PTGES3: variants seen among roughly 807,000 people sequenced by gnomAD.
PTGES3 encodes prostaglandin E synthase 3.
Under a neutral mutation model 29.9 loss-of-function variants are expected in PTGES3, and 5 were observed. That is an observed-to-expected ratio of 0.17 (90% CI 0.09 to 0.35). The LOEUF (loss-of-function observed/expected upper bound fraction) is 0.35, where lower values mean the gene tolerates loss of function less well. Ranked by LOEUF, PTGES3 falls within the 10% of genes least tolerant of loss-of-function variation. The pLI, the probability that PTGES3 is intolerant of heterozygous loss-of-function variation, is 1.00. For missense variants in PTGES3, 128 were observed against 190.0 expected, an observed-to-expected ratio of 0.67 and a Z score of 1.92; for synonymous variants, 49 against 57.8, an observed-to-expected ratio of 0.85 and a Z score of 0.69.
chr12:56,685,470 C>G (rs1275902897), intron 1 of PTGES3, among the ~76,000 whole-genome samples: 1 of 148,844 alleles, frequency 6.7e-6, no homozygotes, highest in East Asian at 2.0e-4. Context: ...GCGCAATCGC[C>G]GCTCACTGCA....
Position 56,688,011 on chromosome 12 carries a change from CA to C in PTGES3, c.-13del. On this transcript the variant is annotated 5_prime_UTR_variant, in exon 1 of 8. Transcript: ENST00000262033. The stretch of plus-strand genomic sequence containing the variant: ...TGTCGCACTCACATTGTGAACGGGG[CA>C]GGGGGACGGGCGAACTGGTGGGCGG... 1 of 1,550,086 alleles carries C rather than the reference CA, an allele frequency of 6.5e-7. No individual in the cohort carries two copies. Among genetic ancestry groups the C allele is most frequent in the Non-Finnish European group, 8.7e-7 (1 of 1,147,356 alleles).
At chr12:56,680,516 G>C (rs1459718670) in intron 1 of PTGES3, among the ~76,000 whole-genome samples, 1 of 152,012 alleles carries the variant, frequency 6.6e-6, no homozygotes, top group African/African-American at 2.4e-5. Context: ...CTCCCAAGTA[G>C]CTGGGGTTAC....
intron 1 of PTGES3, among the ~76,000 whole-genome samples, chr12:56,683,473 C>CAAAAGAAAAAAAAAA (rs1952656855): frequency 3.4e-5 from 1 of 29,750 alleles, no homozygotes; most frequent in Non-Finnish European, 6.3e-5. Flanking sequence ...AACTCTGTCT[C>CAAAAGAAAAAAAAAA]AAAAAAAAAA....
At chr12:56,679,235 CCT>C (rs895713276) in intron 1 of PTGES3, among the ~76,000 whole-genome samples, 1 of 151,996 alleles carries the variant, frequency 6.6e-6, no homozygotes, top group Non-Finnish European at 1.5e-5. Flanking sequence ...ATGGCAAAAC[CCT>C]GTCTCTACTG....
intron 2 of PTGES3, 47 bp from the exon 3 acceptor site, chr12:56,672,856 A>C: frequency 1.3e-6 from 2 of 1,551,712 alleles, no homozygotes; most frequent in Non-Finnish European, 1.7e-6. Context: ...AAAGAGACAA[A>C]GATTAATAAT....
At chr12:56,685,394 CTTTTCTTTT>C (rs1485357782) in intron 1 of PTGES3, among the ~76,000 whole-genome samples, 189 of 96,904 alleles carry the variant, frequency 2.0e-3, no homozygotes, top group African/African-American at 6.7e-3. Context: ...AGCATTTTTT[CTTTTCTTTT>C]TTTTTTTTTT....
rs1952764063 is a variant in PTGES3, at chr12:56,685,157, G to A, written c.2+2841C>T. 4.6e-5 allele frequency among the ~76,000 whole-genome samples: 7 copies of A among 152,170 alleles called. No individual in the cohort carries two copies. In the South Asian group the frequency reaches 1.5e-3, roughly 32 times the overall value. ...CAACAAAATAAACCCTTATCAGCCA[G>A]ATTCTTAAGACTGGATGACGACCCA... On this transcript the variant is annotated intron_variant, in intron 1 of 7. Transcript: ENST00000262033.
At position 56,664,513 on chromosome 12, in the gene PTGES3, A is replaced by G. The variant is rs531616103; in HGVS notation, c.464-15T>C. Reference sequence around the variant, plus strand: ...ATCTGGCATTTCTGAAAGAATTTTTAAAAATATTAGTATATAGTACAAGTG... The same window carrying G: ...ATCTGGCATTTCTGAAAGAATTTTTGAAAATATTAGTATATAGTACAAGTG... On this transcript the variant is annotated splice_polypyrimidine_tract_variant and intron_variant, in intron 7 of 7. Transcript: ENST00000262033. The G allele has an allele frequency of 1.3e-6, 2 of 1,588,302 alleles. No individual in the cohort carries two copies. Among genetic ancestry groups the G allele is most frequent in the South Asian group, 2.3e-5 (2 of 87,890 alleles).
intron 5 of PTGES3, among the ~76,000 whole-genome samples, chr12:56,667,655 T>G (rs1031986434): frequency 3.3e-5 from 5 of 151,516 alleles, no homozygotes; most frequent in African/African-American, 1.2e-4. Context: ...AAATAGAGAG[T>G]AGAATGGTAG....
At chr12:56,664,916 T>C (rs1236886862) in intron 6 of PTGES3, 116 bp from the exon 7 acceptor site, 2 of 1,465,098 alleles carry the variant, frequency 1.4e-6, no homozygotes, top group Admixed American at 5.4e-5. Context: ...AGGTAGGTAG[T>C]CATATCAAGC....
intron 4 of PTGES3, 189 bp from the exon 5 acceptor site, chr12:56,670,553 G>A: frequency 1.8e-6 from 1 of 553,712 alleles, no homozygotes; most frequent in South Asian, 2.1e-5. Context: ...CTCCGTTTCT[G>A]ACCAAGGGTC....
chr12:56,679,140 G>A (rs1221290417), intron 1 of PTGES3, among the ~76,000 whole-genome samples: 1 of 152,102 alleles, frequency 6.6e-6, no homozygotes, highest in East Asian at 1.9e-4. Flanking sequence ...GACCAGGAGT[G>A]ATGGCTCACA....
chr12:56,679,410 A>G (rs1448605899), intron 1 of PTGES3, among the ~76,000 whole-genome samples: 1 of 129,196 alleles, frequency 7.7e-6, no homozygotes, highest in Non-Finnish European at 1.6e-5. Flanking sequence ...CTCTGCCTCA[A>G]AAAAAAAAAA....
rs2137563227 is a variant in PTGES3 at position 56,663,445 on chromosome 12, A to T, written c.*1034T>A. ...GTGCATCTACAATATGCTATTACAG[A>T]TCCACTTTTAAAAGGTTTCCTGTGA... On this transcript the variant is annotated 3_prime_UTR_variant, in exon 8 of 8. Coordinates refer to ENST00000262033, the MANE Select transcript of PTGES3 (RefSeq NM_006601.7). 6.6e-6 allele frequency: 1 copy of T among 152,360 alleles called. No homozygotes were observed. Among genetic ancestry groups the T allele is most frequent in the East Asian group, 1.9e-4 (1 of 5,188 alleles). 9.4% of individuals were successfully genotyped at this position (152,360 alleles called of 1,614,324 possible).
In PTGES3 at chr12:56,666,186, A is replaced by C. The variant is rs1565858538; in HGVS notation, c.438+18T>G. The C allele has an allele frequency of 3.1e-6, 5 of 1,600,916 alleles. No homozygotes were observed. In the South Asian group the frequency reaches 5.7e-5, roughly 18 times the overall value. On this transcript the variant is annotated intron_variant, in intron 6 of 7. Coordinates refer to ENST00000262033, the MANE Select transcript of PTGES3 (RefSeq NM_006601.7). ...TAATAGTATGAAAGTAAACAGAAAAAAGAATTTTTAGACTTACATCATCTG... is the reference window on the plus strand; with the variant it reads ...TAATAGTATGAAAGTAAACAGAAAACAGAATTTTTAGACTTACATCATCTG...
At chr12:56,681,537 C>CAA (rs34581651) in intron 1 of PTGES3, among the ~76,000 whole-genome samples, 1,768 of 25,526 alleles carry the variant, frequency 0.069, 367 homozygotes, top group African/African-American at 0.21. Flanking sequence ...GACTCCATCT[C>CAA]AAAAAAAAAA....
In PTGES3 at chr12:56,685,399, C is replaced by CTT. The variant is rs143526249; in HGVS notation, c.2+2597_2+2598dup. On this transcript the variant is annotated intron_variant, in intron 1 of 7. Coordinates refer to ENST00000262033, the MANE Select transcript of PTGES3 (RefSeq NM_006601.7). ...TTTTGAAGGTAGCATTTTTTCTTTTCTTTTTTTTTTTTTTTTTTTTTAAGA... is the reference window on the plus strand; with the variant it reads ...TTTTGAAGGTAGCATTTTTTCTTTTCTTTTTTTTTTTTTTTTTTTTTTTAAGA... Among the ~76,000 whole-genome samples the CTT allele has an allele frequency of 4.3e-3, 558 of 131,138 alleles. 7 individuals are homozygous for CTT. The highest frequency in any genetic ancestry group is 0.036 in the South Asian group (153 of 4,224). 86.0% of individuals were successfully genotyped at this position (131,138 alleles called of 152,430 possible).
intron 4 of PTGES3, 64 bp downstream of exon 4, chr12:56,671,685 A>C: frequency 9.5e-7 from 1 of 1,055,934 alleles, no homozygotes; most frequent in South Asian, 1.7e-5. Context: ...ACATCAAATA[A>C]GTACATCTTT....
intron 6 of PTGES3, chr12:56,665,681 G>A: frequency 1.0e-6 from 1 of 965,342 alleles, no homozygotes; most frequent in Non-Finnish European, 1.2e-6. Context: ...TCGCTCTGCT[G>A]CCCACACTGG....
Sources: gnomAD v4.1 joint callset for allele counts (sites outside exome capture counted in the v4.1 genomes callset) on GRCh38, gnomAD v4.1.1 for gene constraint, MANE v1.5 for transcripts, NCBI Gene and HGNC (gene_info 2026-07-23, HGNC 2026-07-21) for gene names.